The following CPQ variants were observed in gnomAD, a reference collection of about 807,000 sequenced individuals.
CPQ encodes Ser-Met dipeptidase.
In CPQ, 37 loss-of-function variants were observed where a neutral mutation model predicts 45.7. The ratio of observed to expected loss-of-function variants is 0.81; its 90% confidence interval spans 0.62 to 1.07. The LOEUF (loss-of-function observed/expected upper bound fraction) is 1.07, where lower values mean the gene tolerates loss of function less well. Ranked by LOEUF, CPQ falls within the 50% of genes least tolerant of loss-of-function variation. The pLI is 0.00. For synonymous variants in CPQ, 186 were observed against 205.8 expected, an observed-to-expected ratio of 0.90 and a Z score of 0.82; for missense variants, 537 against 572.9, an observed-to-expected ratio of 0.94 and a Z score of 0.64.
intron 3 of CPQ, among the ~76,000 whole-genome samples, chr8:96,845,047 G>A (rs1811665851): frequency 6.6e-6 from 1 of 152,166 alleles, no homozygotes; most frequent in South Asian, 2.1e-4. Flanking sequence ...TGCACTCACT[G>A]TCCCCTTTGT....
intron 1 of CPQ, among the ~76,000 whole-genome samples, chr8:96,677,682 C>T (rs1809094755): frequency 6.6e-6 from 1 of 151,722 alleles, no homozygotes; most frequent in Non-Finnish European, 1.5e-5. Flanking sequence ...TAATTGGGTC[C>T]CATTTATTTA....
At chr8:97,134,857 C>T (rs1432449058) in intron 7 of CPQ, among the ~76,000 whole-genome samples, 1 of 152,202 alleles carries the variant, frequency 6.6e-6, no homozygotes, top group Non-Finnish European at 1.5e-5. Context: ...TCAATGAAAT[C>T]ATCTCCAGAA....
chr8:96,750,419 A>G (rs979797016), intron 1 of CPQ, among the ~76,000 whole-genome samples: 1 of 152,048 alleles, frequency 6.6e-6, no homozygotes, highest in Non-Finnish European at 1.5e-5. Flanking sequence ...AACAGAGTAC[A>G]TGTGTGATAT....
At chr8:97,032,953 G>A (rs1297854917) in intron 6 of CPQ, among the ~76,000 whole-genome samples, 1 of 152,176 alleles carries the variant, frequency 6.6e-6, no homozygotes, top group Non-Finnish European at 1.5e-5. Flanking sequence ...AAATGGAAAG[G>A]ATTTAGAAAA....
At chr8:96,832,581 G>T (rs1181580593) in intron 2 of CPQ, among the ~76,000 whole-genome samples, 2 of 152,140 alleles carry the variant, frequency 1.3e-5, no homozygotes, top group African/African-American at 4.8e-5. Context: ...TATGTCCCAG[G>T]TACTCTGAAA....
chr8:96,778,018 G>A (rs577571305), intron 1 of CPQ, among the ~76,000 whole-genome samples: 61 of 150,818 alleles, frequency 4.0e-4, no homozygotes, highest in African/African-American at 1.3e-3. Flanking sequence ...GTGAGCCACC[G>A]TGCCCGGCCA....
chr8:96,858,632 C>G (rs1811886203), intron 3 of CPQ, among the ~76,000 whole-genome samples: 1 of 152,160 alleles, frequency 6.6e-6, no homozygotes, highest in Non-Finnish European at 1.5e-5. Flanking sequence ...GTTGCTGGCT[C>G]ACTAATTTCC....
intron 1 of CPQ, among the ~76,000 whole-genome samples, chr8:96,728,197 G>C (rs1809868537): frequency 6.6e-6 from 1 of 152,056 alleles, no homozygotes; most frequent in Non-Finnish European, 1.5e-5. Context: ...TGCCTTAAAT[G>C]CTTCTATCAA....
intron 5 of CPQ, among the ~76,000 whole-genome samples, chr8:97,000,524 A>C (rs1006532097): frequency 1.3e-5 from 2 of 152,094 alleles, no homozygotes; most frequent in Non-Finnish European, 2.9e-5. Flanking sequence ...TGTTTTTGTC[A>C]GCTTCGTTGA....
At chr8:96,753,857 G>A (rs1810293876) in intron 1 of CPQ, among the ~76,000 whole-genome samples, 2 of 151,816 alleles carry the variant, frequency 1.3e-5, no homozygotes, top group African/African-American at 2.4e-5. Flanking sequence ...TTGCAGCTAA[G>A]AGGTAACTGG....
chr8:97,088,213 A>T (rs1176218906), intron 7 of CPQ, among the ~76,000 whole-genome samples: 2 of 152,214 alleles, frequency 1.3e-5, no homozygotes, highest in African/African-American at 2.4e-5. Flanking sequence ...AAGTACAGTT[A>T]ATTTTCACCA....
intron 5 of CPQ, among the ~76,000 whole-genome samples, chr8:96,997,908 T>A (rs1809204189): frequency 1.3e-5 from 2 of 152,032 alleles, no homozygotes; most frequent in Non-Finnish European, 2.9e-5. Context: ...AGTGAGCCAT[T>A]TGTTGTATGT....
chr8:97,105,773 C>T (rs1811393595), intron 7 of CPQ, among the ~76,000 whole-genome samples: 1 of 152,174 alleles, frequency 6.6e-6, no homozygotes. Context: ...AGCCTGATTT[C>T]ATATTTCATT....
chr8:96,923,420 A>G (rs76194087), intron 4 of CPQ, among the ~76,000 whole-genome samples: 1,902 of 152,238 alleles, frequency 0.012, 31 homozygotes, highest in African/African-American at 0.043. Flanking sequence ...GAACCTGTCC[A>G]TTGGGAATAA....
intron 1 of CPQ, among the ~76,000 whole-genome samples, chr8:96,783,206 G>T (rs1810713931): frequency 6.6e-6 from 1 of 151,832 alleles, no homozygotes; most frequent in African/African-American, 2.4e-5. Flanking sequence ...CATTTTTCGG[G>T]TATTTGTTAT....
intron 1 of CPQ, among the ~76,000 whole-genome samples, chr8:96,712,906 T>C (rs559652994): frequency 6.6e-6 from 1 of 152,300 alleles, no homozygotes; most frequent in South Asian, 2.1e-4. Flanking sequence ...CATTAGGCTG[T>C]AAATTTTCCA....
At chr8:96,871,024 A>G (rs763589457) in intron 3 of CPQ, among the ~76,000 whole-genome samples, 13 of 152,028 alleles carry the variant, frequency 8.6e-5, no homozygotes, top group African/African-American at 1.2e-4. Flanking sequence ...TATTTAAGCA[A>G]ATATACTGAT....
At chr8:96,678,612 A>G (rs1397449588) in intron 1 of CPQ, among the ~76,000 whole-genome samples, 3 of 151,978 alleles carry the variant, frequency 2.0e-5, no homozygotes, top group Admixed American at 2.0e-4. Flanking sequence ...AGCCATTCCA[A>G]CTAGGGTGAG....
At chr8:96,938,584 G>T (rs1157314315) in intron 4 of CPQ, among the ~76,000 whole-genome samples, 1 of 152,130 alleles carries the variant, frequency 6.6e-6, no homozygotes, top group Non-Finnish European at 1.5e-5. Flanking sequence ...CTGCAGAAAG[G>T]ACCCTCTAAT....
Sources: allele counts gnomAD v4.1 joint callset (sites outside exome capture counted in the v4.1 genomes callset), GRCh38; gene constraint gnomAD v4.1.1; transcripts MANE v1.5; gene names NCBI Gene and HGNC (gene_info 2026-07-23, HGNC 2026-07-21).